TSHZ2: variants seen among roughly 807,000 people sequenced by gnomAD.
TSHZ2 encodes teashirt zinc finger homeobox 2.
In TSHZ2, 21 loss-of-function variants were observed where a neutral mutation model predicts 74.4. The ratio of observed to expected loss-of-function variants is 0.28; its 90% CI spans 0.20 to 0.41. The LOEUF is 0.41. Ranked by LOEUF, TSHZ2 falls within the 10% of genes least tolerant of loss-of-function variation. The probability of loss-of-function intolerance (pLI) is 1.00; values close to 1 mark genes in which losing one functional copy is unlikely to be tolerated. For synonymous variants in TSHZ2, 540 were observed against 515.3 expected, an observed-to-expected ratio of 1.05 and a Z score of -0.65; for missense variants, 1,244 against 1,293.5, an observed-to-expected ratio of 0.96 and a Z score of 0.59.
intron 2 of TSHZ2, among the ~76,000 whole-genome samples, chr20:53,482,108 T>TTA (rs1447358622): frequency 4.7e-4 from 35 of 74,342 alleles, no homozygotes; most frequent in African/African-American, 1.4e-3. Context: ...CTCCATCTCA[T>TTA]AAAAAAAAAA....
chr20:53,248,619 T>G (rs1990259388), intron 1 of TSHZ2, among the ~76,000 whole-genome samples: 1 of 152,316 alleles, frequency 6.6e-6, no homozygotes, highest in East Asian at 1.9e-4. Context: ...CATGATAAAA[T>G]TAGTCCATAC....
intron 1 of TSHZ2, among the ~76,000 whole-genome samples, chr20:53,184,932 C>T (rs1988565390): frequency 6.6e-6 from 1 of 152,138 alleles, no homozygotes; most frequent in African/African-American, 2.4e-5. Flanking sequence ...TGCTCTCAAA[C>T]TCCTGGCCTC....
intron 2 of TSHZ2, among the ~76,000 whole-genome samples, chr20:53,473,022 G>C (rs140265719): frequency 0.19 from 28,482 of 148,566 alleles, 2,910 homozygotes; most frequent in East Asian, 0.28. Context: ...ACGGAGTCTC[G>C]CTGATTGCTA....
intron 1 of TSHZ2, among the ~76,000 whole-genome samples, chr20:53,136,189 A>G (rs768669297): frequency 5.3e-5 from 8 of 152,134 alleles, no homozygotes; most frequent in Non-Finnish European, 1.0e-4. Flanking sequence ...TTATAAAGCC[A>G]CTAGTTGCAC....
At chr20:53,146,602 T>A (rs558308994) in intron 1 of TSHZ2, among the ~76,000 whole-genome samples, 1 of 152,352 alleles carries the variant, frequency 6.6e-6, no homozygotes, top group East Asian at 1.9e-4. Context: ...CGTGGTTTTA[T>A]ATTTGAGGAT....
chr20:53,161,256 G>A (rs1987932180), intron 1 of TSHZ2, among the ~76,000 whole-genome samples: 1 of 151,960 alleles, frequency 6.6e-6, no homozygotes, highest in Admixed American at 6.5e-5. Context: ...GAGTGTTCTA[G>A]GCAGTGCAAA....
chr20:53,310,203 A>G (rs773556063), intron 2 of TSHZ2, among the ~76,000 whole-genome samples: 1 of 152,226 alleles, frequency 6.6e-6, no homozygotes, highest in Non-Finnish European at 1.5e-5. Flanking sequence ...AAGAAAATGA[A>G]GAAACAGAAG....
chr20:53,259,031 C>A (rs895213370), intron 2 of TSHZ2, among the ~76,000 whole-genome samples: 1 of 152,242 alleles, frequency 6.6e-6, no homozygotes, highest in Non-Finnish European at 1.5e-5. Context: ...GTGCTTTGGT[C>A]ACCTTAGAAA....
chr20:53,332,819 A>G (rs753385826), intron 2 of TSHZ2, among the ~76,000 whole-genome samples: 1 of 152,220 alleles, frequency 6.6e-6, no homozygotes, highest in Non-Finnish European at 1.5e-5. Context: ...CAGATGCATT[A>G]TAAGAAAGGG....
At position 53,042,052 on chromosome 20, in the gene TSHZ2, G is replaced by GAA. The variant is rs542593949; in HGVS notation, c.40+68728_40+68729dup. 4.9e-4 allele frequency among the ~76,000 whole-genome samples: 73 copies of GAA among 147,846 alleles called. 1 individual carries two copies. In the South Asian group the frequency reaches 0.013, roughly 27 times the overall value. On this transcript the variant is annotated intron_variant, in intron 1 of 2. Coordinates refer to ENST00000371497, the MANE Select transcript of TSHZ2 (RefSeq NM_173485.6). ...ATTGCAGCATATTACCCAAATGTGG[G>GAA]AAAAAAAAAACATATGCCCATGACA...
chr20:53,285,321 TC>T (rs1239567085), intron 2 of TSHZ2, among the ~76,000 whole-genome samples: 1 of 152,186 alleles, frequency 6.6e-6, no homozygotes, highest in Non-Finnish European at 1.5e-5. Context: ...AGGATTGGAT[TC>T]ATTTTTCACC....
chr20:53,488,835 TA>T lies in TSHZ2; in HGVS notation c.*1715del, dbSNP rs11481015. 0.053 allele frequency: 15,780 copies of T among 299,770 alleles called. No homozygotes were observed. The highest frequency in any genetic ancestry group is 0.099 in the South Asian group (3,536 of 35,836). The allele number at this position is 299,770 out of a possible 1,614,324, so 18.6% of individuals were successfully genotyped here. A position where few individuals can be genotyped will look rare whatever the true frequency, so the allele number is the denominator to read the frequency against. On this transcript the variant is annotated 3_prime_UTR_variant, in exon 3 of 3. Coordinates refer to ENST00000371497, the MANE Select transcript of TSHZ2 (RefSeq NM_173485.6). ...TGATCCCTAAATTCAACATTGGGAT[TA>T]AAAAAAAAAAAAAACTTCTTATTTA...
chr20:53,080,105 A>G (rs1402738462), intron 1 of TSHZ2, among the ~76,000 whole-genome samples: 3 of 152,234 alleles, frequency 2.0e-5, no homozygotes, highest in Non-Finnish European at 4.4e-5. Context: ...TCGAATCTTA[A>G]ACGAGTTAAT....
In TSHZ2 at chr20:52,973,090, C is replaced by A; in HGVS notation, c.-204C>A. On this transcript the variant is annotated 5_prime_UTR_variant, in exon 1 of 3. Transcript: ENST00000371497. ...CTTCAAAGCAGCCGGCACAAGCCAC[C>A]CGTGTCTGCCACCCAGAGAGGGGGG... 1.8e-6 allele frequency: 1 copy of A among 561,822 alleles called. No homozygotes were observed. The highest frequency in any genetic ancestry group is 3.1e-6 in the Non-Finnish European group (1 of 321,794). 34.8% of individuals were successfully genotyped at this position (561,822 alleles called of 1,614,324 possible).
At position 53,436,524 on chromosome 20, in the gene TSHZ2, T is replaced by TTTA. The variant is rs754149055; in HGVS notation, c.*9-50596_*9-50594dup. Among the ~76,000 whole-genome samples, 238 of 123,358 alleles carry TTTA rather than the reference T, an allele frequency of 1.9e-3. 7 individuals carry two copies. Among genetic ancestry groups the TTTA allele is most frequent in the South Asian group, 0.017 (62 of 3,720 alleles). The allele number at this position is 123,358 out of a possible 152,430, so 80.9% of individuals were successfully genotyped here. On this transcript the variant is annotated intron_variant, in intron 2 of 2. Coordinates refer to ENST00000371497, the MANE Select transcript of TSHZ2 (RefSeq NM_173485.6). ...CTGGCCCCAGGGCTTATTTTATTTA[T>TTTA]TTATTATTATTATTATTATTATTAT...
At chr20:53,127,082 G>A (rs971509646) in intron 1 of TSHZ2, among the ~76,000 whole-genome samples, 20 of 152,146 alleles carry the variant, frequency 1.3e-4, no homozygotes, top group African/African-American at 1.9e-4. Context: ...AAGAGAGAGC[G>A]AATGAATTAG....
chr20:53,270,895 C>G (rs1990821203), intron 2 of TSHZ2, among the ~76,000 whole-genome samples: 2 of 152,124 alleles, frequency 1.3e-5, no homozygotes, highest in Non-Finnish European at 1.5e-5. Context: ...ATTTTGTCAT[C>G]TTTAATTGTT....
intron 2 of TSHZ2, among the ~76,000 whole-genome samples, chr20:53,307,757 C>T (rs1978604821): frequency 2.0e-5 from 3 of 152,294 alleles, no homozygotes; most frequent in South Asian, 2.1e-4. Context: ...ATTTCCAGCC[C>T]TTGGGAAATT....
chr20:53,248,245 T>G (rs1568833103), intron 1 of TSHZ2, among the ~76,000 whole-genome samples: 1 of 151,628 alleles, frequency 6.6e-6, no homozygotes, highest in East Asian at 1.9e-4. Flanking sequence ...TATTTTTTTT[T>G]TATTTTTTTT....
Sources: gnomAD v4.1 joint callset for allele counts (sites outside exome capture counted in the v4.1 genomes callset) on GRCh38, gnomAD v4.1.1 for gene constraint, MANE v1.5 for transcripts, NCBI Gene and HGNC (gene_info 2026-07-23, HGNC 2026-07-21) for gene names.